Variants in STARD13 observed in about 807,000 individuals in gnomAD.
The protein encoded by STARD13 is StAR related lipid transfer domain containing 13.
In STARD13, 62 loss-of-function variants were observed where a neutral mutation model predicts 106.4. The ratio of observed to expected loss-of-function variants is 0.58; its 90% confidence interval spans 0.48 to 0.72. The LOEUF is 0.72. STARD13 is among the 30% of genes least tolerant of loss of function. STARD13 has a pLI of 0.00. For synonymous variants in STARD13, 565 were observed against 553.0 expected (o/e 1.02, Z -0.31); for missense variants, 1,387 against 1,424.0 (o/e 0.97, Z 0.42).
chr13:33,107,163 C>T (rs1873857970), intron 12 of STARD13, among the ~76,000 whole-genome samples: 1 of 152,202 alleles, frequency 6.6e-6, no homozygotes, highest in South Asian at 2.1e-4. Context: ...AATGGTCTTG[C>T]AGCTTTCAGA....
chr13:33,537,464 T>C, the STARD13 span, among the ~76,000 whole-genome samples: 7 of 152,220 alleles, frequency 4.6e-5, no homozygotes, highest in Non-Finnish European at 1.0e-4. Context: ...GTAGGTATCT[T>C]ATTTGACACT....
chr13:33,352,070 C>T (rs927142582), upstream of STARD13, among the ~76,000 whole-genome samples: 6 of 152,134 alleles, frequency 3.9e-5, no homozygotes, highest in African/African-American at 1.4e-4. Context: ...TAATGAGATA[C>T]TTTTTTTGTA....
chr13:33,433,886 T>G, the STARD13 span, among the ~76,000 whole-genome samples: 1 of 152,204 alleles, frequency 6.6e-6, no homozygotes, highest in Admixed American at 6.5e-5. Context: ...AGGCACTGTT[T>G]TTCTTCTATG....
At chr13:33,180,333 C>T (rs1483050294) in intron 1 of STARD13, 1 of 152,186 alleles carries the variant, frequency 6.6e-6, no homozygotes, top group African/African-American at 2.4e-5. Flanking sequence ...TTACAACGTG[C>T]TTACCAGTTA....
the STARD13 span, among the ~76,000 whole-genome samples, chr13:33,648,716 T>C: frequency 5.3e-5 from 8 of 151,660 alleles, no homozygotes; most frequent in Non-Finnish European, 1.2e-4. Context: ...AAATCACAGC[T>C]ACTTACCAAA....
At chr13:33,656,679 G>A in the STARD13 span, 2 of 152,212 alleles carry the variant, frequency 1.3e-5, no homozygotes, top group Non-Finnish European at 2.9e-5. Flanking sequence ...TTATGGATAT[G>A]TAGCACAGGA....
the STARD13 span, among the ~76,000 whole-genome samples, chr13:33,459,024 T>G: frequency 2.0e-5 from 3 of 152,092 alleles, no homozygotes; most frequent in African/African-American, 7.2e-5. Flanking sequence ...ATTACAGGCG[T>G]GGGCACCTGT....
At chr13:33,609,167 C>T in the STARD13 span, among the ~76,000 whole-genome samples, 1 of 146,488 alleles carries the variant, frequency 6.8e-6, no homozygotes, top group African/African-American at 2.6e-5. Context: ...ATTTAAAAGA[C>T]ACCATAAACA....
chr13:33,477,976 C>T, the STARD13 span, among the ~76,000 whole-genome samples: 10,328 of 151,348 alleles, frequency 0.068, 896 homozygotes, highest in African/African-American at 0.21. Flanking sequence ...AGACTTCAGA[C>T]CCCTCATTCA....
intron 4 of STARD13, among the ~76,000 whole-genome samples, chr13:33,141,115 G>A (rs928076506): frequency 6.6e-6 from 1 of 152,152 alleles, no homozygotes; most frequent in Non-Finnish European, 1.5e-5. Flanking sequence ...AATATATGGA[G>A]GCTTGAGTTG....
At chr13:33,394,268 A>T in the STARD13 span, among the ~76,000 whole-genome samples, 2 of 151,934 alleles carry the variant, frequency 1.3e-5, no homozygotes, top group Non-Finnish European at 2.9e-5. Flanking sequence ...CTATAAGCCT[A>T]TGAAAATTCC....
the STARD13 span, among the ~76,000 whole-genome samples, chr13:33,512,764 C>G: frequency 1.3e-5 from 2 of 151,966 alleles, no homozygotes; most frequent in Non-Finnish European, 2.9e-5. Context: ...CCACTGCGCT[C>G]GGCCGTTTTT....
In STARD13 at chr13:33,127,505, CG is replaced by C; in HGVS notation, c.1789del (p.Arg597GlyfsTer17). 1 of 1,578,086 alleles carries C rather than the reference CG, an allele frequency of 6.3e-7. No homozygotes were observed. ...GATGTGGGGCGATGCTGGGGCCGGC[CG>C]GGGCTGGTGCGACAGCTGGAAACTG... ...WNSFQLSHQP[R>X]PAPASPHISS... On this transcript the variant is annotated frameshift_variant, in exon 6 of 14. Transcript: ENST00000336934. LOFTEE classifies it high-confidence loss of function.
chr13:33,121,669 C>T (rs1255367918), intron 7 of STARD13, among the ~76,000 whole-genome samples: 19 of 110,480 alleles, frequency 1.7e-4, no homozygotes, highest in Non-Finnish European at 1.2e-4. Flanking sequence ...GTTGTTCATC[C>T]TTTTTTTTTT....
chr13:33,172,717 G>T (rs1284983078), intron 1 of STARD13, among the ~76,000 whole-genome samples: 1 of 152,172 alleles, frequency 6.6e-6, no homozygotes, highest in Non-Finnish European at 1.5e-5. Flanking sequence ...CTCACTGAAA[G>T]GTATTGGGTA....
chr13:33,389,273 T>C, the STARD13 span, among the ~76,000 whole-genome samples: 1 of 151,992 alleles, frequency 6.6e-6, no homozygotes, highest in African/African-American at 2.4e-5. Context: ...AGGTTAGTGG[T>C]CCTCCTAAGA....
the STARD13 span, among the ~76,000 whole-genome samples, chr13:33,366,393 C>T: frequency 2.0e-5 from 3 of 152,046 alleles, no homozygotes; most frequent in Non-Finnish European, 2.9e-5. This position sits in a 1 kb window ranked among gnomAD's most constrained non-coding sequence, Gnocchi z 4.2. Flanking sequence ...ATTTTCAGAG[C>T]GAGGTTATCT....
At chr13:33,495,792 TTA>T in the STARD13 span, among the ~76,000 whole-genome samples, 1 of 148,160 alleles carries the variant, frequency 6.7e-6, no homozygotes, top group African/African-American at 2.5e-5. Context: ...CAGACAAGTA[TTA>T]TAATATAATC....
chr13:33,189,003 G>C (rs184006349), intron 1 of STARD13, among the ~76,000 whole-genome samples: 96 of 152,278 alleles, frequency 6.3e-4, no homozygotes, highest in Non-Finnish European at 2.9e-5. Context: ...TTGCTTATTA[G>C]AGCAGACATT....
Sources: allele counts gnomAD v4.1 joint callset (sites outside exome capture counted in the v4.1 genomes callset), GRCh38; gene constraint gnomAD v4.1.1; non-coding constraint Gnocchi (gnomAD v3.1); transcripts MANE v1.5; gene names NCBI Gene and HGNC (gene_info 2026-07-23, HGNC 2026-07-21).